THY1: variants seen among roughly 807,000 people sequenced by gnomAD.
The protein encoded by THY1 is Thy-1 cell surface antigen, also known as thy-1 membrane glycoprotein.
THY1 carries 10 observed loss-of-function variants against 14.9 expected under a neutral mutation model. That is an observed-to-expected ratio of 0.67 (90% confidence interval 0.41 to 1.14). The LOEUF (loss-of-function observed/expected upper bound fraction) is 1.14. Ranked by LOEUF, THY1 falls within the 50% of genes most tolerant of loss-of-function variation. The pLI, the probability that THY1 is intolerant of heterozygous loss-of-function variation, is 0.00. For synonymous variants in THY1, 80 were observed against 90.0 expected, an observed-to-expected ratio of 0.89 and a Z score of 0.63; for missense variants, 159 against 202.1, an observed-to-expected ratio of 0.79 and a Z score of 1.29.
At chr11:119,421,011 G>A (rs979036201) in intron 1 of THY1, 82 bp from the exon 2 acceptor site, 2 of 1,336,068 alleles carry the variant, frequency 1.5e-6, no homozygotes, top group African/African-American at 2.9e-5. Flanking sequence ...ACATGGCATA[G>A]TGGCTATGGC....
chr11:119,421,060 C>T (rs1861890747), intron 1 of THY1, 131 bp from the exon 2 acceptor site: 2 of 736,808 alleles, frequency 2.7e-6, no homozygotes, highest in African/African-American at 1.7e-5. Flanking sequence ...CCTCTCGTCC[C>T]TGCATCTCAC....
upstream of THY1, chr11:119,423,218 G>C (rs2135438834): frequency 2.2e-6 from 1 of 452,544 alleles, no homozygotes; most frequent in Non-Finnish European, 4.4e-6. Context: ...TGGAGGAGAG[G>C]GGGAGCGGGG....
In THY1 at chr11:119,416,874, C is replaced by T. The variant is rs1861787531; in HGVS notation, c.*2534G>A. ...AGCTAATCTCACCCACTGTGGGCCT[C>T]AGGTTCCGCTCCCCTAAACATGGCT... On this transcript the variant is annotated 3_prime_UTR_variant, in exon 4 of 4. Transcript: ENST00000284240. 6.6e-6 allele frequency among the ~76,000 whole-genome samples: 1 copy of T among 152,220 alleles called. No homozygotes were observed. The highest frequency in any genetic ancestry group is 6.5e-5 in the Admixed American group (1 of 15,286).
chr11:119,420,341 C>CA lies in THY1; in HGVS notation c.82dup (p.Cys28LeufsTer14), dbSNP rs1861874719. 6.2e-7 allele frequency: 1 copy of CA among 1,613,932 alleles called. No individual in the cohort carries two copies. The highest frequency in any genetic ancestry group is 8.5e-7 in the Non-Finnish European group (1 of 1,180,022). ...CAGACGAAGGCTCTGGTCCACTAGG[C>CA]AGGCCGTTAGGCTGGTCACCTTCTG... On this transcript the variant is annotated frameshift_variant, in exon 3 of 4. Coordinates refer to ENST00000284240, the MANE Select transcript of THY1 (RefSeq NM_006288.5). LOFTEE classifies it high-confidence loss of function.
chr11:119,423,008 C>T (rs1008381884), intron 1 of THY1, 105 bp downstream of exon 1: 2 of 455,820 alleles, frequency 4.4e-6, no homozygotes, highest in Non-Finnish European at 8.8e-6. Context: ...GCCCTTCTTC[C>T]CTGGGCGCCC....
intron 2 of THY1, 22 bp downstream of exon 2, chr11:119,420,847 A>AG: frequency 6.2e-7 from 1 of 1,614,036 alleles, no homozygotes; most frequent in Non-Finnish European, 8.5e-7. Context: ...CTGGAGCCCC[A>AG]GTCCTGCCCC....
chr11:119,417,281 C>A lies in THY1; in HGVS notation c.*2127G>T, dbSNP rs558103066. 1.3e-5 allele frequency: 2 copies of A among 152,358 alleles called. No individual in the cohort carries two copies. The highest frequency in any genetic ancestry group is 2.9e-5 in the Non-Finnish European group (2 of 68,158). 9.4% of individuals were successfully genotyped at this position (152,358 alleles called of 1,614,324 possible). ...GGGTTGTCAGCCTCCCAACCTGGGACAAGGACAGCTCCTCCTCCTCTGTGT... is the reference window on the plus strand; with the variant it reads ...GGGTTGTCAGCCTCCCAACCTGGGAAAAGGACAGCTCCTCCTCCTCTGTGT... On this transcript the variant is annotated 3_prime_UTR_variant, in exon 4 of 4. Transcript: ENST00000284240.
rs1861846978 is a variant in THY1, at chr11:119,419,354, A to G, written c.*54T>C. The stretch of plus-strand genomic sequence containing the variant: ...AGGGGGTCAGCTGACTCAGAGAAGT[A>G]GGATCTCTGCACTGGAACTTGAGGC... On this transcript the variant is annotated 3_prime_UTR_variant, in exon 4 of 4. Coordinates refer to ENST00000284240, the MANE Select transcript of THY1 (RefSeq NM_006288.5). The G allele has an allele frequency of 6.7e-7, 1 of 1,483,976 alleles. No homozygotes were observed. Among genetic ancestry groups the G allele is most frequent in the Non-Finnish European group, 9.4e-7 (1 of 1,068,974 alleles). 91.9% of individuals were successfully genotyped at this position (1,483,976 alleles called of 1,614,324 possible).
chr11:119,424,689 C>T (rs1253634720), upstream of THY1, among the ~76,000 whole-genome samples: 3 of 152,114 alleles, frequency 2.0e-5, no homozygotes, highest in African/African-American at 7.2e-5. Flanking sequence ...TAATCTAGTA[C>T]TAGAGCCAGC....
rs1861864746 is a variant in THY1, at chr11:119,420,041, C to T, written c.373+10G>A. On this transcript the variant is annotated intron_variant, in intron 3 of 3. Coordinates refer to ENST00000284240, the MANE Select transcript of THY1 (RefSeq NM_006288.5). ...CCAGCTCACTTGACCTTGTTAGGGGCTTGTCTCACCTCTGAGCACTGTGAC... is the reference window on the plus strand; with the variant it reads ...CCAGCTCACTTGACCTTGTTAGGGGTTTGTCTCACCTCTGAGCACTGTGAC... 6.2e-7 allele frequency: 1 copy of T among 1,604,724 alleles called. No homozygotes were observed. The highest frequency in any genetic ancestry group is 8.5e-7 in the Non-Finnish European group (1 of 1,174,724).
In THY1 at chr11:119,420,901, T is replaced by C; in HGVS notation, c.5A>G (p.Asn2Ser). 1 of 1,614,090 alleles carries C rather than the reference T, an allele frequency of 6.2e-7. No individual in the cohort carries two copies. Residue 2 changes from asparagine (N) to serine (S), a missense_variant, in exon 2 of 4, where the codon AAC (asparagine) becomes AGC (serine). Coordinates refer to ENST00000284240, the MANE Select transcript of THY1 (RefSeq NM_006288.5). M[N>S]LAISIALLLT... ...CAGGAGAGCGATGCTGATGGCCAGG[T>C]TCATGGTTCTGGGATCTCAGTCCTG...
chr11:119,419,957 G>T, intron 3 of THY1, 94 bp downstream of exon 3: 1 of 1,319,788 alleles, frequency 7.6e-7, no homozygotes, highest in Non-Finnish European at 1.0e-6. Context: ...GCGTTATGGG[G>T]CTATTCTCCT....
At chr11:119,419,560 A>T (rs899582892) in intron 3 of THY1, 40 bp from the exon 4 acceptor site, 1 of 1,555,116 alleles carries the variant, frequency 6.4e-7, no homozygotes, top group Non-Finnish European at 8.9e-7. Context: ...GGTAGGAAGG[A>T]AGACGGATCA....
rs1312003983 is a variant in THY1 at position 119,416,754 on chromosome 11, T to A, written c.*2654A>T. 6.6e-6 allele frequency among the ~76,000 whole-genome samples: 1 copy of A among 152,204 alleles called. No homozygotes were observed. The highest frequency in any genetic ancestry group is 2.4e-5 in the African/African-American group (1 of 41,478). On this transcript the variant is annotated 3_prime_UTR_variant, in exon 4 of 4. Transcript: ENST00000284240. ...TTACAGGCATGAGCCACTGTGCCCA[T>A]CTCTGGGTAGGTTTGCGTTGTGAGG...
chr11:119,423,097 C>A lies in THY1; in HGVS notation c.-25+16G>T. The A allele has an allele frequency of 2.2e-6, 1 of 456,146 alleles. No homozygotes were observed. Among genetic ancestry groups the A allele is most frequent in the South Asian group, 1.5e-5 (1 of 64,564 alleles). The allele number at this position is 456,146 out of a possible 1,614,324, so 28.3% of individuals were successfully genotyped here. ...GCGGTCCCCGAGCCCCAGGTCCCAC[C>A]GGCTCCAGTTCCCACCTGGACTGGG... On this transcript the variant is annotated intron_variant, in intron 1 of 3. Coordinates refer to ENST00000284240, the MANE Select transcript of THY1 (RefSeq NM_006288.5).
Position 119,420,949 on chromosome 11 carries a change from G to A in THY1, c.-24-20C>T, listed in dbSNP as rs78928241. On this transcript the variant is annotated intron_variant, in intron 1 of 3. Transcript: ENST00000284240. ...CTGGATCTGGGGTGGGAACAGGATG[G>A]GAATCAGCCAAGCTGTGCCACACTT... 5,214 of 1,613,580 alleles carry A rather than the reference G, an allele frequency of 3.2e-3. 119 individuals are homozygous for A. In the African/African-American group the frequency reaches 0.059, roughly 18 times the overall value.
rs1861800009 is a variant in THY1 at position 119,417,460 on chromosome 11, G to A, written c.*1948C>T. The A allele has an allele frequency of 6.6e-6, 1 of 152,170 alleles. No individual in the cohort carries two copies. The highest frequency in any genetic ancestry group is 2.4e-5 in the African/African-American group (1 of 41,422). 9.4% of individuals were successfully genotyped at this position (152,170 alleles called of 1,614,324 possible). On this transcript the variant is annotated 3_prime_UTR_variant, in exon 4 of 4. Transcript: ENST00000284240. Reference sequence around the variant, plus strand: ...CTAAATATCAGATGAGTCAGCCTCTGGGCAGCTGTCACCTTCCTCCCCCAA... The same window carrying A: ...CTAAATATCAGATGAGTCAGCCTCTAGGCAGCTGTCACCTTCCTCCCCCAA...
rs1861838861 is a variant in THY1, at chr11:119,419,084, CTCACTCTCCA to C, written c.*314_*323del. 2 of 366,784 alleles carry C rather than the reference CTCACTCTCCA, an allele frequency of 5.5e-6. No homozygotes were observed. The highest frequency in any genetic ancestry group is 1.1e-5 in the Non-Finnish European group (2 of 187,716). 22.7% of individuals were successfully genotyped at this position (366,784 alleles called of 1,614,324 possible). On this transcript the variant is annotated 3_prime_UTR_variant, in exon 4 of 4. Coordinates refer to ENST00000284240, the MANE Select transcript of THY1 (RefSeq NM_006288.5). ...ACCATCCCACTACCCCTCACATGCTCTCACTCTCCATCAGGTCCCCAATCCTGGCTTCCCT... is the reference window on the plus strand; with the variant it reads ...ACCATCCCACTACCCCTCACATGCTCTCAGGTCCCCAATCCTGGCTTCCCT...
At position 119,417,011 on chromosome 11, in the gene THY1, C is replaced by T. The variant is rs1283252148; in HGVS notation, c.*2397G>A. The stretch of plus-strand genomic sequence containing the variant: ...CCCCATAGGAAGTGTCACACAGGTG[C>T]GAGGCTTCACACAGTGCCGCTCATT... On this transcript the variant is annotated 3_prime_UTR_variant, in exon 4 of 4. Coordinates refer to ENST00000284240, the MANE Select transcript of THY1 (RefSeq NM_006288.5). Among the ~76,000 whole-genome samples, 5 of 152,182 alleles carry T rather than the reference C, an allele frequency of 3.3e-5. No homozygotes were observed. Among genetic ancestry groups the T allele is most frequent in the East Asian group, 1.9e-4 (1 of 5,192 alleles).
Sources: allele counts gnomAD v4.1 joint callset (sites outside exome capture counted in the v4.1 genomes callset), GRCh38; gene constraint gnomAD v4.1.1; transcripts MANE v1.5; gene names NCBI Gene and HGNC (gene_info 2026-07-23, HGNC 2026-07-21).